Variants in CCBE1 observed in about 807,000 individuals in gnomAD.
CCBE1 encodes the protein collagen and calcium binding EGF domains 1.
In CCBE1, 37 loss-of-function variants were observed where a neutral mutation model predicts 50.0. The observed-to-expected ratio is 0.74, with a 90% CI of 0.57 to 0.97. The LOEUF (loss-of-function observed/expected upper bound fraction) is 0.97. Ranked by LOEUF, CCBE1 falls within the 50% of genes least tolerant of loss-of-function variation. The pLI, the probability that CCBE1 is intolerant of heterozygous loss-of-function variation, is 0.00. For synonymous variants in CCBE1, 234 were observed against 203.7 expected (o/e 1.15, Z -1.27); for missense variants, 538 against 523.8 (o/e 1.03, Z -0.26).
intron 2 of CCBE1, among the ~76,000 whole-genome samples, chr18:59,505,433 C>T (rs150348020): frequency 1.2e-4 from 19 of 152,298 alleles, no homozygotes; most frequent in African/African-American, 2.9e-4. Context: ...AGAGGAAAAC[C>T]ACTTAAACAT....
rs192457269 is a variant in CCBE1 at position 59,548,082 on chromosome 18, T to C, written c.213-67844A>G. On this transcript the variant is annotated intron_variant, in intron 2 of 10. Transcript: ENST00000439986. ...CCATCACGTGATGTGAACTATCTGC[T>C]GGATGAAATGTTCAAGAGTGCTGGA... Among the ~76,000 whole-genome samples the C allele has an allele frequency of 2.0e-5, 3 of 152,348 alleles. No individual in the cohort carries two copies. The East Asian group carries it at 5.8e-4, about 29-fold the overall frequency.
chr18:59,615,094 C>T (rs1003604329), intron 2 of CCBE1, among the ~76,000 whole-genome samples: 1 of 152,212 alleles, frequency 6.6e-6, no homozygotes, highest in African/African-American at 2.4e-5. Flanking sequence ...CCTGCCCTGT[C>T]GATGGAGACC....
At chr18:59,595,754 G>A (rs117464298) in intron 2 of CCBE1, among the ~76,000 whole-genome samples, 1 of 152,278 alleles carries the variant, frequency 6.6e-6, no homozygotes, top group Non-Finnish European at 1.5e-5. Context: ...GAATATATCA[G>A]TTCTTTGGCA....
chr18:59,561,393 C>A (rs2144449540), intron 2 of CCBE1, among the ~76,000 whole-genome samples: 1 of 152,278 alleles, frequency 6.6e-6, no homozygotes, highest in East Asian at 1.9e-4. Context: ...TCTCCCTCAG[C>A]CTAGGGGGTG....
At chr18:59,483,227 T>G (rs1912660254) in intron 2 of CCBE1, among the ~76,000 whole-genome samples, 1 of 141,052 alleles carries the variant, frequency 7.1e-6, no homozygotes, top group Non-Finnish European at 1.5e-5. Flanking sequence ...ACTTTATTTT[T>G]TATTAAAATG....
chr18:59,473,352 T>C lies in CCBE1; in HGVS notation c.266-3745A>G, dbSNP rs62095100. 6.7e-3 allele frequency among the ~76,000 whole-genome samples: 1,014 copies of C among 152,326 alleles called. 8 individuals are homozygous for C. Among genetic ancestry groups the C allele is most frequent in the Non-Finnish European group, 9.9e-3 (676 of 68,012 alleles). On this transcript the variant is annotated intron_variant, in intron 3 of 10. Transcript: ENST00000439986. ...GGGAAGTCCTGTGAGATTCAAACTC[T>C]TGAGCTTTTGTATGAATCACATCTT...
intron 10 of CCBE1, 81 bp from the exon 11 acceptor site, chr18:59,436,222 G>T: frequency 1.6e-6 from 2 of 1,216,594 alleles, no homozygotes; most frequent in African/African-American, 1.5e-5. Flanking sequence ...CCTGCTGCTT[G>T]CTGGCAACTA....
intron 2 of CCBE1, among the ~76,000 whole-genome samples, chr18:59,634,263 G>T (rs1194316329): frequency 1.3e-5 from 2 of 152,188 alleles, no homozygotes; most frequent in Admixed American, 6.5e-5. Flanking sequence ...GAAGCAGCAG[G>T]GAAACTTACT....
At chr18:59,613,532 C>A (rs572102342) in intron 2 of CCBE1, among the ~76,000 whole-genome samples, 1 of 152,284 alleles carries the variant, frequency 6.6e-6, no homozygotes, top group South Asian at 2.1e-4. Context: ...ATGTTTTAAA[C>A]TGCACTCAGA....
intron 5 of CCBE1, among the ~76,000 whole-genome samples, chr18:59,458,400 A>G (rs1367965434): frequency 6.6e-6 from 1 of 152,220 alleles, no homozygotes; most frequent in Non-Finnish European, 1.5e-5. Context: ...CGCCATGAAC[A>G]AAAGTTAAAA....
At chr18:59,630,876 A>G (rs2053841007) in intron 2 of CCBE1, among the ~76,000 whole-genome samples, 2 of 152,232 alleles carry the variant, frequency 1.3e-5, no homozygotes, top group African/African-American at 4.8e-5. Flanking sequence ...TCAGCCATTA[A>G]TTAAGCCCGT....
intron 2 of CCBE1, among the ~76,000 whole-genome samples, chr18:59,591,717 G>T (rs2053272563): frequency 6.6e-6 from 1 of 152,120 alleles, no homozygotes; most frequent in South Asian, 2.1e-4. Flanking sequence ...ATACAAACTG[G>T]TTCAATCCTT....
At chr18:59,678,913 G>A (rs1237241844) in intron 2 of CCBE1, among the ~76,000 whole-genome samples, 1 of 152,096 alleles carries the variant, frequency 6.6e-6, no homozygotes, top group Non-Finnish European at 1.5e-5. Context: ...CAAAGTAAAG[G>A]CCTGTTCATT....
intron 2 of CCBE1, among the ~76,000 whole-genome samples, chr18:59,502,793 A>G (rs775253068): frequency 6.6e-6 from 1 of 152,196 alleles, no homozygotes; most frequent in Non-Finnish European, 1.5e-5. Flanking sequence ...TTGTCGACTG[A>G]TGGTGATTCT....
chr18:59,590,491 TTTG>T lies in CCBE1; in HGVS notation c.212+106135_212+106137del, dbSNP rs201108960. ...TTACAAACTCCAAAAATATCAAATT[TTTG>T]TTTTTTTATGGAGCTAGGCATGATG... On this transcript the variant is annotated intron_variant, in intron 2 of 10. Transcript: ENST00000439986. 1.8e-3 allele frequency among the ~76,000 whole-genome samples: 279 copies of T among 151,822 alleles called. 4 individuals carry two copies. The East Asian group carries it at 0.032, about 17-fold the overall frequency.
At chr18:59,436,174 C>T (rs370681915) in intron 10 of CCBE1, 33 bp from the exon 11 acceptor site, 130 of 1,595,060 alleles carry the variant, frequency 8.2e-5, no homozygotes, top group Middle Eastern at 5.4e-4. Context: ...AGCTAGAATA[C>T]GACAGACAGC....
At position 59,582,239 on chromosome 18, in the gene CCBE1, G is replaced by A. The variant is rs76252614; in HGVS notation, c.213-102001C>T. Among the ~76,000 whole-genome samples the A allele has an allele frequency of 7.2e-5, 11 of 152,162 alleles. No individual in the cohort carries two copies. In the South Asian group the frequency reaches 1.2e-3, roughly 17 times the overall value. ...AAGTCTTCACCGCCACCTCTCCCCC[G>A]TCAGTTAACTTTCTTATACTTTCTC... On this transcript the variant is annotated intron_variant, in intron 2 of 10. Transcript: ENST00000439986.
intron 2 of CCBE1, among the ~76,000 whole-genome samples, chr18:59,636,650 G>A (rs2053920597): frequency 6.6e-6 from 1 of 152,120 alleles, no homozygotes; most frequent in African/African-American, 2.4e-5. Context: ...CATTTATAGA[G>A]AAACAAAACA....
intron 2 of CCBE1, among the ~76,000 whole-genome samples, chr18:59,563,395 T>C (rs1280572205): frequency 6.6e-6 from 1 of 152,242 alleles, no homozygotes. Flanking sequence ...AGACTATCAG[T>C]AGCAAGCATC....
Sources: allele counts gnomAD v4.1 joint callset (sites outside exome capture counted in the v4.1 genomes callset), GRCh38; gene constraint gnomAD v4.1.1; transcripts MANE v1.5; gene names NCBI Gene and HGNC (gene_info 2026-07-23, HGNC 2026-07-21).